C14orf93: variants seen among roughly 807,000 people sequenced by gnomAD.
The protein encoded by C14orf93 is uncharacterized protein C14orf93.
Under a neutral mutation model 44.0 loss-of-function variants are expected in C14orf93, and 23 were observed. The ratio of observed to expected loss-of-function variants is 0.52; its 90% confidence interval spans 0.38 to 0.74. The LOEUF (loss-of-function observed/expected upper bound fraction) is 0.74. Among genes scored for constraint, C14orf93 ranks in the 30% least tolerant of loss-of-function variants. The pLI is 0.00. For missense variants in C14orf93, 579 were observed against 678.9 expected (o/e 0.85, Z 1.64); for synonymous variants, 253 against 265.7 (o/e 0.95, Z 0.46).
intron 1 of C14orf93, among the ~76,000 whole-genome samples, chr14:23,008,613 G>A (rs769878263): frequency 4.6e-5 from 7 of 151,752 alleles, no homozygotes; most frequent in Non-Finnish European, 1.0e-4. Context: ...TCCAATCTGC[G>A]AATACAAATT....
intron 1 of C14orf93, among the ~76,000 whole-genome samples, chr14:23,000,669 TG>T (rs1312271848): frequency 7.3e-6 from 1 of 137,928 alleles, no homozygotes; most frequent in Non-Finnish European, 1.5e-5. Context: ...TGAGCCGAGA[TG>T]GTGCCACTGC....
At position 22,996,545 on chromosome 14, in the gene C14orf93, T is replaced by A. The variant is rs1217622499; in HGVS notation, c.598-277A>T. On this transcript the variant is annotated intron_variant, in intron 2 of 6. Transcript: ENST00000299088. The surrounding 1 kb of genome is among the most constrained non-coding windows in gnomAD (Gnocchi z 4.1). ...CTGTTGGTGAATAGTCATTTATGGA[T>A]AGCTCTTGGATATAAGAAATGGAGC... is the stretch of plus-strand genomic sequence containing the variant. 6.6e-6 allele frequency among the ~76,000 whole-genome samples: 1 copy of A among 152,218 alleles called. No individual in the cohort carries two copies. The highest frequency in any genetic ancestry group is 1.5e-5 in the Non-Finnish European group (1 of 68,032).
intron 5 of C14orf93, among the ~76,000 whole-genome samples, chr14:22,989,436 A>G (rs1310793694): frequency 6.6e-6 from 1 of 152,198 alleles, no homozygotes; most frequent in Admixed American, 6.5e-5. Flanking sequence ...ACACCTCCTC[A>G]TAACACCTTA....
chr14:22,995,971 GC>G lies in C14orf93; in HGVS notation c.894del (p.Arg298SerfsTer39). 1 of 1,601,696 alleles carries G rather than the reference GC, an allele frequency of 6.2e-7. No homozygotes were observed. Among genetic ancestry groups the G allele is most frequent in the Non-Finnish European group, 8.5e-7 (1 of 1,171,724 alleles). Reference protein sequence around the residue: ...RTRGSGQKNSRRKRDLVLSKL... With the variant: ...RTRGSGQKNSXRKRDLVLSKL... ...ACAGAGAGTACAAGATCCCGCTTGC[GC>G]CTGGAGTTCTTCTGCCCACTTCCTC... On this transcript the variant is annotated frameshift_variant, in exon 3 of 7. Coordinates refer to ENST00000299088, the MANE Select transcript of C14orf93 (RefSeq NM_021944.4). LOFTEE classifies it high-confidence loss of function.
chr14:22,994,715 G>A (rs563680409), intron 3 of C14orf93, among the ~76,000 whole-genome samples: 2 of 151,218 alleles, frequency 1.3e-5, no homozygotes, highest in South Asian at 4.2e-4. Context: ...CAATGGGAGT[G>A]AGACCCTGTC....
intron 3 of C14orf93, among the ~76,000 whole-genome samples, chr14:22,991,977 C>T (rs1368333007): frequency 6.6e-6 from 1 of 152,218 alleles, no homozygotes; most frequent in East Asian, 1.9e-4. Flanking sequence ...GGAGTATATA[C>T]ACCATGGTCT....
At position 22,987,900 on chromosome 14, in the gene C14orf93, T is replaced by C. The variant is rs1334340271; in HGVS notation, c.1197+3A>G. 1 of 1,607,578 alleles carries C rather than the reference T, an allele frequency of 6.2e-7. No homozygotes were observed. The highest frequency in any genetic ancestry group is 8.5e-7 in the Non-Finnish European group (1 of 1,174,456). On this transcript the variant is annotated splice_donor_region_variant and intron_variant, in intron 6 of 6. Transcript: ENST00000299088. This position sits in a 1 kb window ranked among gnomAD's most constrained non-coding sequence, Gnocchi z 5.6. ...ATCTTGAAAGAAAGGCCTAGAAACC[T>C]ACCCGATATCGGCGACTTCGAAGTT...
At chr14:22,993,898 C>T (rs1341918767) in intron 3 of C14orf93, 1 of 152,252 alleles carries the variant, frequency 6.6e-6, no homozygotes, top group African/African-American at 2.4e-5. Flanking sequence ...GAATAACTGT[C>T]CCTCCCCCTC....
intron 1 of C14orf93, chr14:23,006,198 CCTA>C (rs2046612303): frequency 6.6e-6 from 1 of 152,144 alleles, no homozygotes; most frequent in African/African-American, 2.4e-5. Context: ...GTTGGTCAGT[CCTA>C]CTCCTCCACT....
Position 22,999,286 on chromosome 14 carries a change from G to C in C14orf93, c.-263C>G, listed in dbSNP as rs934265961. On this transcript the variant is annotated 5_prime_UTR_variant, in exon 2 of 7. Transcript: ENST00000299088. ...CTCTCCTAGCACATCACAAATCAAG[G>C]CCTTCCTGATGAACGGTTTCAGACG... 10 of 384,836 alleles carry C rather than the reference G, an allele frequency of 2.6e-5. No homozygotes were observed. The highest frequency in any genetic ancestry group is 1.4e-3 in the Middle Eastern group (2 of 1,432). 23.8% of individuals were successfully genotyped at this position (384,836 alleles called of 1,614,324 possible). A position where few individuals can be genotyped will look rare whatever the true frequency, so the allele number is the denominator to read the frequency against.
At chr14:22,988,827 T>C (rs377672688) in intron 5 of C14orf93, among the ~76,000 whole-genome samples, 1 of 152,022 alleles carries the variant, frequency 6.6e-6, no homozygotes, top group Admixed American at 6.6e-5. Flanking sequence ...ACACCTGTAA[T>C]CCCAACATTC....
At chr14:23,007,819 G>A (rs566377175) in intron 1 of C14orf93, among the ~76,000 whole-genome samples, 37 of 152,210 alleles carry the variant, frequency 2.4e-4, no homozygotes, top group African/African-American at 8.2e-4. Flanking sequence ...GACCTGTAGT[G>A]ATGTGGAAAA....
rs2046138407 is a variant in C14orf93, at chr14:22,998,685, T to C, written c.339A>G (p.Glu113=). ...GKVSIPDEDG[E]SRAHSSPPEE... is the part of the protein sequence containing the mutation. ...CAGGTGGGGAACTATGTGCCCGGCT[T>C]TCCCCATCTTCATCAGGGATGGACA... The change falls in exon 2 of 7, where the codon GAA becomes GAG. Residue 113 remains glutamate, a synonymous_variant. Transcript: ENST00000299088. 6 of 1,614,220 alleles carry C rather than the reference T, an allele frequency of 3.7e-6. No homozygotes were observed. The South Asian group carries it at 4.4e-5, about 12-fold the overall frequency.
intron 1 of C14orf93, among the ~76,000 whole-genome samples, chr14:23,003,857 CATATATATAT>C (rs1176882717): frequency 0.022 from 409 of 18,954 alleles, 9 homozygotes; most frequent in Admixed American, 0.046. Flanking sequence ...CTAATATATT[CATATATATAT>C]ATATATATAT....
At chr14:22,993,569 G>A (rs1007388252) in intron 3 of C14orf93, among the ~76,000 whole-genome samples, 7 of 152,068 alleles carry the variant, frequency 4.6e-5, no homozygotes, top group South Asian at 2.1e-4. Context: ...CAAAAAAAGG[G>A]GAAAGAAAAA....
chr14:22,998,600 C>T lies in C14orf93; in HGVS notation c.424G>A (p.Glu142Lys). 2 of 1,614,196 alleles carry T rather than the reference C, an allele frequency of 1.2e-6. No individual in the cohort carries two copies. The highest frequency in any genetic ancestry group is 1.3e-5 in the African/African-American group (1 of 75,048). Residue 142 changes from glutamate (E) to lysine (K), a missense_variant, in exon 2 of 7, where the codon GAA becomes AAA. By Grantham distance (56) the Glu-to-Lys change is moderately conservative. Coordinates refer to ENST00000299088, the MANE Select transcript of C14orf93 (RefSeq NM_021944.4). ...GEAFKALSAV[E>K]EECDSVGSGV... is the part of the protein sequence containing the mutation. ...CTGCCCACGCTGTCACACTCCTCTTCCACGGCAGACAGAGCCTTAAAGGCT... is the reference window on the plus strand; with the variant it reads ...CTGCCCACGCTGTCACACTCCTCTTTCACGGCAGACAGAGCCTTAAAGGCT...
chr14:22,991,042 T>C (rs1360208015), intron 3 of C14orf93, among the ~76,000 whole-genome samples: 1 of 151,110 alleles, frequency 6.6e-6, no homozygotes, highest in Admixed American at 6.6e-5. Context: ...ATGGTCACAA[T>C]CTCCTGACCT....
chr14:23,000,837 G>A (rs1170226972), intron 1 of C14orf93: 1 of 151,950 alleles, frequency 6.6e-6, no homozygotes, highest in Non-Finnish European at 1.5e-5. Context: ...ATGCCTCTGA[G>A]GTACTAAAAC....
At chr14:23,001,754 T>C (rs1429798233) in intron 1 of C14orf93, among the ~76,000 whole-genome samples, 3 of 144,172 alleles carry the variant, frequency 2.1e-5, no homozygotes, top group African/African-American at 7.7e-5. Flanking sequence ...TGTGAGCCAC[T>C]GCGCCCAGCT....
Sources: gnomAD v4.1 joint callset for allele counts (sites outside exome capture counted in the v4.1 genomes callset) on GRCh38, gnomAD v4.1.1 for gene constraint, Gnocchi (gnomAD v3.1) non-coding constraint, MANE v1.5 for transcripts, NCBI Gene and HGNC (gene_info 2026-07-23, HGNC 2026-07-21) for gene names.